Variants in HECW1 observed in about 807,000 individuals in gnomAD.
The protein encoded by HECW1 is E3 ubiquitin-protein ligase HECW1.
HECW1 carries 61 observed loss-of-function variants against 182.3 expected under a neutral mutation model. The observed-to-expected ratio is 0.33, with a 90% CI of 0.27 to 0.41. The LOEUF (loss-of-function observed/expected upper bound fraction) is 0.41, where lower values mean the gene tolerates loss of function less well. Ranked by LOEUF, HECW1 falls within the 10% of genes least tolerant of loss-of-function variation. The pLI, the probability that HECW1 is intolerant of heterozygous loss-of-function variation, is 1.00. For missense variants in HECW1, 1,739 were observed against 2,108.9 expected (o/e 0.82, Z 3.44); for synonymous variants, 859 against 832.6 (o/e 1.03, Z -0.55).
chr7:43,371,211 A>G (rs535936812), intron 6 of HECW1, among the ~76,000 whole-genome samples: 2 of 152,254 alleles, frequency 1.3e-5, no homozygotes, highest in South Asian at 2.1e-4. Context: ...ATATGATACT[A>G]TGATGGTGGC....
chr7:43,335,840 A>T (rs1812074644), intron 5 of HECW1, among the ~76,000 whole-genome samples: 55 of 109,286 alleles, frequency 5.0e-4, no homozygotes, highest in South Asian at 8.4e-4. Flanking sequence ...TTCTCCCTTG[A>T]CTCCCTTTCT....
chr7:43,542,175 C>T (rs2081385962), intron 26 of HECW1, among the ~76,000 whole-genome samples, 177 bp downstream of exon 26: 1 of 151,956 alleles, frequency 6.6e-6, no homozygotes, highest in Non-Finnish European at 1.5e-5. Flanking sequence ...AAACTGTACC[C>T]ATTAAACAAT....
intron 2 of HECW1, among the ~76,000 whole-genome samples, chr7:43,211,522 G>T (rs779658487): frequency 3.3e-5 from 5 of 152,142 alleles, no homozygotes; most frequent in Non-Finnish European, 5.9e-5. Flanking sequence ...CCACCAGAGG[G>T]CATGATTCCC....
chr7:43,146,681 G>A (rs1788750377), intron 2 of HECW1, among the ~76,000 whole-genome samples: 1 of 152,170 alleles, frequency 6.6e-6, no homozygotes, highest in Non-Finnish European at 1.5e-5. Flanking sequence ...AAAGAGAGAA[G>A]CTTCTGAAGG....
At chr7:43,423,299 C>G (rs532706889) in intron 8 of HECW1, among the ~76,000 whole-genome samples, 1 of 152,244 alleles carries the variant, frequency 6.6e-6, no homozygotes, top group East Asian at 1.9e-4. Context: ...GTACAAAAAC[C>G]AGTTCTTTTG....
At chr7:43,488,649 A>G (rs535182888) in intron 17 of HECW1, among the ~76,000 whole-genome samples, 3 of 152,200 alleles carry the variant, frequency 2.0e-5, no homozygotes, top group African/African-American at 7.2e-5. Context: ...GCACATACTA[A>G]ATCCTAGTTC....
chr7:43,176,607 A>T (rs1374283395), intron 2 of HECW1, among the ~76,000 whole-genome samples: 1 of 151,988 alleles, frequency 6.6e-6, no homozygotes, highest in Non-Finnish European at 1.5e-5. Context: ...TAACAGACCC[A>T]CTCTTGTGAT....
intron 29 of HECW1, among the ~76,000 whole-genome samples, chr7:43,560,720 G>A (rs897296681): frequency 4.6e-5 from 7 of 152,166 alleles, no homozygotes; most frequent in African/African-American, 1.7e-4. Flanking sequence ...AAGTCCCCTA[G>A]GGATCTTGTA....
At position 43,492,136 on chromosome 7, in the gene HECW1, T is replaced by C; in HGVS notation, c.3296T>C (p.Val1099Ala). 1 of 1,603,472 alleles carries C rather than the reference T, an allele frequency of 6.2e-7. No individual in the cohort carries two copies. Among genetic ancestry groups the C allele is most frequent in the South Asian group, 1.1e-5 (1 of 88,564 alleles). ...CTGGCCAGGCCAGGACACAGCTTAGTAGCTGCTATTCGAAGCCAACATCAA... is the reference window on the plus strand; with the variant it reads ...CTGGCCAGGCCAGGACACAGCTTAGCAGCTGCTATTCGAAGCCAACATCAA... ...SLLARPGHSL[V>A]AAIRSQHQHE... The change falls in exon 18 of 30, where the codon GTA (valine) becomes GCA (alanine). Residue 1099 changes from valine (V) to alanine (A), a missense_variant. By Grantham distance (64) the Val-to-Ala change is moderately conservative. This residue lies in a region of HECW1 where 971 missense variants were observed against 1,029.1 expected (regional missense o/e 0.94). Transcript: ENST00000395891.
chr7:43,351,335 G>A (rs1814415174), intron 5 of HECW1, among the ~76,000 whole-genome samples: 1 of 152,266 alleles, frequency 6.6e-6, no homozygotes, highest in East Asian at 1.9e-4. Flanking sequence ...TTTTTGTACT[G>A]GTTGGCCTCC....
rs539987562 is a variant in HECW1, at chr7:43,119,680, A to T, written c.-32+5289A>T. Among the ~76,000 whole-genome samples, 4 of 141,148 alleles carry T rather than the reference A, an allele frequency of 2.8e-5. No individual in the cohort carries two copies. The South Asian group carries it at 9.3e-4, about 33-fold the overall frequency. 92.6% of individuals were successfully genotyped at this position (141,148 alleles called of 152,430 possible). ...TTAAAATTAACATGTGCAAAATACA[A>T]CCCCCGATTTTTGCTCCCTAAACGT... is the stretch of plus-strand genomic sequence containing the variant. On this transcript the variant is annotated intron_variant, in intron 2 of 29. Transcript: ENST00000395891.
intron 26 of HECW1, 52 bp from the exon 27 acceptor site, chr7:43,550,391 CCT>C: frequency 1.2e-6 from 2 of 1,602,400 alleles, no homozygotes; most frequent in Non-Finnish European, 1.7e-6. Flanking sequence ...AGTGTGCCTC[CCT>C]GAGAGATAAG....
chr7:43,414,540 C>T (rs1236769923), intron 8 of HECW1, among the ~76,000 whole-genome samples: 2 of 150,880 alleles, frequency 1.3e-5, no homozygotes, highest in African/African-American at 4.9e-5. Context: ...TGCCAGTTTT[C>T]AAAGGGAATG....
In HECW1 at chr7:43,311,962, A is replaced by ACAGCCGCTCCACGCTCATGGT. The variant is rs751138220; in HGVS notation, c.232_252dup (p.Arg78_Ser84dup). The ACAGCCGCTCCACGCTCATGGT allele has an allele frequency of 4.2e-5, 67 of 1,614,084 alleles. No homozygotes were observed. Among genetic ancestry groups the ACAGCCGCTCCACGCTCATGGT allele is most frequent in the Non-Finnish European group, 4.9e-5 (58 of 1,180,044 alleles). On this transcript the variant is annotated inframe_insertion, in exon 4 of 30. Transcript: ENST00000395891. ...AGCGACACTGACCTGGTCACCTCGGACAGCCGCTCCACGCTCATGGTCAGC... is the reference window on the plus strand; with the variant it reads ...AGCGACACTGACCTGGTCACCTCGGACAGCCGCTCCACGCTCATGGTCAGCCGCTCCACGCTCATGGTCAGC...
intron 4 of HECW1, among the ~76,000 whole-genome samples, chr7:43,317,404 G>A (rs1809461806): frequency 2.0e-5 from 3 of 152,240 alleles, no homozygotes; most frequent in Non-Finnish European, 4.4e-5. Flanking sequence ...TTGCGAGTGA[G>A]GCAAAGGCAT....
At chr7:43,538,341 C>T (rs2152952044) in intron 24 of HECW1, among the ~76,000 whole-genome samples, 1 of 152,266 alleles carries the variant, frequency 6.6e-6, no homozygotes, top group Middle Eastern at 3.4e-3. Flanking sequence ...CTTGAGATAC[C>T]ACTGTGGCCT....
At position 43,463,746 on chromosome 7, in the gene HECW1, G is replaced by A. The variant is rs1315360406; in HGVS notation, c.2738G>A (p.Gly913Glu). 6.2e-7 allele frequency: 1 copy of A among 1,614,054 alleles called. No homozygotes were observed. The highest frequency in any genetic ancestry group is 1.7e-5 in the Admixed American group (1 of 60,028). ...AGCTGCGAGCAAGCCCCAGCAGGAG[G>A]AGGCGGAGGTGGAGGGAGTGACTCA... is the stretch of plus-strand genomic sequence containing the variant. ...SQSCEQAPAG[G>E]GGGGGSDSEA... The change falls in exon 14 of 30, where the codon GGA (glycine) becomes GAA (glutamate). Residue 913 changes from glycine to glutamate, a missense_variant. Gly to Glu is a moderately conservative substitution (Grantham distance 98, BLOSUM62 -2). Around this residue, in one of 5 missense-constraint regions of HECW1, gnomAD observed 971 missense variants for 1,029.1 expected, o/e 0.94. Coordinates refer to ENST00000395891, the MANE Select transcript of HECW1 (RefSeq NM_015052.5).
intron 4 of HECW1, among the ~76,000 whole-genome samples, chr7:43,313,066 A>G (rs1808735658): frequency 6.6e-6 from 1 of 152,206 alleles, no homozygotes; most frequent in Admixed American, 6.5e-5. Context: ...GATAAAATAA[A>G]AGGGATCTTA....
chr7:43,256,263 T>C (rs1016505444), intron 3 of HECW1, among the ~76,000 whole-genome samples: 2 of 152,182 alleles, frequency 1.3e-5, no homozygotes, highest in Non-Finnish European at 2.9e-5. Flanking sequence ...GAAGATCTCA[T>C]GGAGCACTGT....
Sources: gnomAD v4.1 joint callset for allele counts (sites outside exome capture counted in the v4.1 genomes callset) on GRCh38, gnomAD v4.1.1 for gene constraint, gnomAD v4.1.1 regional missense constraint, MANE v1.5 for transcripts, NCBI Gene and HGNC (gene_info 2026-07-23, HGNC 2026-07-21) for gene names.